Variants in ZNF500 observed in about 807,000 individuals in gnomAD.
The protein encoded by ZNF500 is zinc finger protein with KRAB and SCAN domains 18.
ZNF500 carries 31 observed loss-of-function variants against 30.1 expected under a neutral mutation model. The ratio of observed to expected loss-of-function variants is 1.03; its 90% CI spans 0.77 to 1.39. The LOEUF (loss-of-function observed/expected upper bound fraction) is 1.39. Among genes scored for constraint, ZNF500 ranks in the 40% most tolerant of loss-of-function variants. ZNF500 has a pLI of 0.00. For missense variants in ZNF500, 817 were observed against 657.8 expected (o/e 1.24, Z -2.65); for synonymous variants, 392 against 282.0 (o/e 1.39, Z -3.91).
chr16:4,752,012 C>T lies in ZNF500; in HGVS notation c.*364G>A. 3.4e-6 allele frequency: 4 copies of T among 1,173,264 alleles called. No homozygotes were observed. Among genetic ancestry groups the T allele is most frequent in the Non-Finnish European group, 4.3e-6 (4 of 921,108 alleles). The allele number at this position is 1,173,264 out of a possible 1,614,324, so 72.7% of individuals were successfully genotyped here. A position where few individuals can be genotyped will look rare whatever the true frequency, so the allele number is the denominator to read the frequency against. On this transcript the variant is annotated 3_prime_UTR_variant, in exon 6 of 6. Transcript: ENST00000219478. ...TGGGACGTGGGGATGAGGCTGTATG[C>T]CAGCAGCCACTGGATGCTGGAGGCA...
rs1476349369 is a variant in ZNF500, at chr16:4,749,139, G to C, written c.*3237C>G. ...GGGCACAAGGCCAGGCTGCCTCCCA[G>C]CCCCCAGGCCCTCTCCCACCTACAG... is the stretch of plus-strand genomic sequence containing the variant. On this transcript the variant is annotated 3_prime_UTR_variant, in exon 6 of 6. Transcript: ENST00000219478. 2 of 153,298 alleles carry C rather than the reference G, an allele frequency of 1.3e-5. No individual in the cohort carries two copies. The highest frequency in any genetic ancestry group is 1.5e-5 in the Non-Finnish European group (1 of 68,290). 9.5% of individuals were successfully genotyped at this position (153,298 alleles called of 1,614,324 possible). A position where few individuals can be genotyped will look rare whatever the true frequency, so the allele number is the denominator to read the frequency against.
intron 2 of ZNF500, chr16:4,764,028 A>C (rs1431814490): frequency 1.0e-6 from 1 of 985,318 alleles, no homozygotes; most frequent in Non-Finnish European, 1.2e-6. Context: ...GGAGTTCCAC[A>C]ACTGAAACTG....
At chr16:4,764,217 A>T in intron 2 of ZNF500, 2 of 394,184 alleles carry the variant, frequency 5.1e-6, no homozygotes, top group South Asian at 2.1e-4. Flanking sequence ...AGTGTGACTG[A>T]GGAACTAATT....
In ZNF500 at chr16:4,762,261, T is replaced by A. The variant is rs2082211408; in HGVS notation, c.663+10A>T. The A allele has an allele frequency of 1.2e-6, 2 of 1,610,614 alleles. No homozygotes were observed. The highest frequency in any genetic ancestry group is 1.7e-6 in the Non-Finnish European group (2 of 1,178,560). ...CCCAGGATGCTGCAGACCAGGAGCA[T>A]CCCACTCACCTGGGACCAGGCCGAA... On this transcript the variant is annotated intron_variant, in intron 4 of 5. Coordinates refer to ENST00000219478, the MANE Select transcript of ZNF500 (RefSeq NM_021646.4).
rs771475211 is a variant in ZNF500 at position 4,765,545 on chromosome 16, G to T, written c.414+20C>A. 5 of 1,563,954 alleles carry T rather than the reference G, an allele frequency of 3.2e-6. No homozygotes were observed. Among genetic ancestry groups the T allele is most frequent in the Admixed American group, 3.7e-5 (2 of 54,720 alleles). On this transcript the variant is annotated intron_variant, in intron 2 of 5. Coordinates refer to ENST00000219478, the MANE Select transcript of ZNF500 (RefSeq NM_021646.4). ...CAGGGCCCCATTTCCTCACCTGAGG[G>T]TCAAAATGCCCCCACTCACCCGCTG...
downstream of ZNF500, chr16:4,747,411 A>G (rs2082031985): frequency 1.2e-6 from 2 of 1,612,682 alleles, no homozygotes; most frequent in Admixed American, 1.7e-5. Flanking sequence ...GCCCAGCCCG[A>G]GCTGCCTGCC....
intron 5 of ZNF500, among the ~76,000 whole-genome samples, chr16:4,759,852 C>A (rs1485897911): frequency 6.6e-6 from 1 of 152,208 alleles, no homozygotes; most frequent in Non-Finnish European, 1.5e-5. Context: ...GCCTGGCCAA[C>A]ATGGTGATGA....
At position 4,765,828 on chromosome 16, in the gene ZNF500, G is replaced by T; in HGVS notation, c.151C>A (p.Gln51Lys). ...TEDPSPETFR[Q>K]LFRLFCYQEV... is the part of the protein sequence containing the mutation. ...TGGTAGCAGAAGAGCCGGAAGAGCT[G>T]GCGGAAAGTCTCAGGGCTGGGGTCC... Residue 51 changes from glutamine (Q) to lysine (K), a missense_variant, in exon 2 of 6, where the codon CAG becomes AAG. Gln to Lys is a moderately conservative substitution (Grantham distance 53). Coordinates refer to ENST00000219478, the MANE Select transcript of ZNF500 (RefSeq NM_021646.4). 1 of 1,613,670 alleles carries T rather than the reference G, an allele frequency of 6.2e-7. No homozygotes were observed. Among genetic ancestry groups the T allele is most frequent in the Non-Finnish European group, 8.5e-7 (1 of 1,180,006 alleles).
At chr16:4,754,524 G>A (rs535535218) in intron 5 of ZNF500, among the ~76,000 whole-genome samples, 6 of 151,834 alleles carry the variant, frequency 4.0e-5, no homozygotes, top group African/African-American at 1.5e-4. Context: ...ATTAGTTGGG[G>A]GTAGTGGTGG....
intron 2 of ZNF500, chr16:4,763,124 G>T: frequency 1.0e-6 from 1 of 985,424 alleles, no homozygotes; most frequent in Non-Finnish European, 1.2e-6. Context: ...CTGGCCAGCT[G>T]CAATGGCTCA....
In ZNF500 at chr16:4,750,685, G is replaced by A. The variant is rs2082068229; in HGVS notation, c.*1691C>T. The A allele has an allele frequency of 6.6e-6, 1 of 152,048 alleles. No homozygotes were observed. The highest frequency in any genetic ancestry group is 2.1e-4 in the South Asian group (1 of 4,814). The allele number at this position is 152,048 out of a possible 1,614,324, so 9.4% of individuals were successfully genotyped here. A position where few individuals can be genotyped will look rare whatever the true frequency, so the allele number is the denominator to read the frequency against. On this transcript the variant is annotated 3_prime_UTR_variant, in exon 6 of 6. Coordinates refer to ENST00000219478, the MANE Select transcript of ZNF500 (RefSeq NM_021646.4). ...ATTTTTGTGTTTTTAGTAGAGATGG[G>A]GTTTCACCATGTTGGCCAGGATGGT...
rs182675991 is a variant in ZNF500, at chr16:4,755,782, G to A, written c.761-2724C>T. On this transcript the variant is annotated intron_variant, in intron 5 of 5. Coordinates refer to ENST00000219478, the MANE Select transcript of ZNF500 (RefSeq NM_021646.4). The stretch of plus-strand genomic sequence containing the variant: ...AATGTTCACGACAGCACTCTTCACA[G>A]TAGCCAAAAAATGGAAATCACCCAA... Among the ~76,000 whole-genome samples, 3 of 152,242 alleles carry A rather than the reference G, an allele frequency of 2.0e-5. No individual in the cohort carries two copies. The East Asian group carries it at 5.8e-4, about 29-fold the overall frequency.
At chr16:4,760,723 T>C in intron 4 of ZNF500, 135 bp from the exon 5 acceptor site, 1 of 702,514 alleles carries the variant, frequency 1.4e-6, no homozygotes, top group Non-Finnish European at 2.4e-6. Flanking sequence ...GCTGGTCTTC[T>C]CCACTCTCGT....
chr16:4,762,201 C>T lies in ZNF500; in HGVS notation c.663+70G>A, dbSNP rs182988976. On this transcript the variant is annotated intron_variant, in intron 4 of 5. Transcript: ENST00000219478. ...GCCCCCAGGAGAGGTGTCCCCTTAACAAGGAAGTGTGACACACAGGAGGTC... is the reference window on the plus strand; with the variant it reads ...GCCCCCAGGAGAGGTGTCCCCTTAATAAGGAAGTGTGACACACAGGAGGTC... The T allele has an allele frequency of 2.8e-4, 439 of 1,545,404 alleles. 5 individuals carry two copies. The East Asian group carries it at 9.5e-3, about 34-fold the overall frequency.
chr16:4,745,426 G>A (rs2082002630), downstream of ZNF500, among the ~76,000 whole-genome samples: 1 of 152,208 alleles, frequency 6.6e-6, no homozygotes, highest in South Asian at 2.1e-4. Flanking sequence ...CTGTGTAGGG[G>A]TGGAAGGGCA....
intron 5 of ZNF500, among the ~76,000 whole-genome samples, chr16:4,757,626 G>A (rs777430252): frequency 2.6e-5 from 4 of 151,004 alleles, no homozygotes; most frequent in African/African-American, 4.9e-5. Context: ...TTTTGGAAAC[G>A]GAGTCTTGCT....
chr16:4,746,965 A>G, downstream of ZNF500: 3 of 1,554,722 alleles, frequency 1.9e-6, no homozygotes, highest in Non-Finnish European at 2.6e-6. Context: ...GAGGAGGAGG[A>G]GGAAGAGATG....
chr16:4,746,864 C>G, downstream of ZNF500: 1 of 1,429,314 alleles, frequency 7.0e-7, no homozygotes, highest in Non-Finnish European at 9.3e-7. Flanking sequence ...GCTTCAAGCC[C>G]CAACAAGAGT....
chr16:4,744,939 A>G (rs754045501), downstream of ZNF500: 89 of 1,613,912 alleles, frequency 5.5e-5, no homozygotes, highest in East Asian at 1.9e-3. Flanking sequence ...ACGCAGTCCA[A>G]GGCCTCTGCT....
Sources: gnomAD v4.1 joint callset for allele counts (sites outside exome capture counted in the v4.1 genomes callset) on GRCh38, gnomAD v4.1.1 for gene constraint, MANE v1.5 for transcripts, NCBI Gene and HGNC (gene_info 2026-07-23, HGNC 2026-07-21) for gene names.